Variants in WRAP73 observed in about 807,000 individuals in gnomAD.
WRAP73 encodes the protein WD repeat-containing protein WRAP73.
Under a neutral mutation model 59.6 loss-of-function variants are expected in WRAP73, and 55 were observed. The observed-to-expected ratio is 0.92, with a 90% CI of 0.74 to 1.15. The LOEUF is 1.15. Ranked by LOEUF, WRAP73 falls within the 50% of genes most tolerant of loss-of-function variation. WRAP73 has a pLI of 0.00. For synonymous variants in WRAP73, 265 were observed against 258.2 expected (o/e 1.03, Z -0.25); for missense variants, 592 against 608.1 (o/e 0.97, Z 0.28).
intron 8 of WRAP73, chr1:3,634,759 G>A: frequency 1.8e-6 from 1 of 549,214 alleles, no homozygotes; most frequent in Non-Finnish European, 3.3e-6. Context: ...GGACTGGGGT[G>A]GCAGCGGCAG....
At chr1:3,634,667 C>G in intron 8 of WRAP73, 1 of 349,686 alleles carries the variant, frequency 2.9e-6, no homozygotes, top group Admixed American at 4.1e-5. Context: ...ACAGCAGATG[C>G]CCAGTGTTTG....
chr1:3,635,451 GAGAT>G (rs1269249755), intron 6 of WRAP73, 157 bp from the exon 7 acceptor site: 20 of 964,916 alleles, frequency 2.1e-5, no homozygotes, highest in Non-Finnish European at 3.0e-5. Context: ...AGCTAGTACT[GAGAT>G]AGTCACGGAG....
intron 8 of WRAP73, 184 bp from the exon 9 acceptor site, chr1:3,633,687 A>G: frequency 1.8e-6 from 1 of 566,766 alleles, no homozygotes; most frequent in Non-Finnish European, 3.1e-6. Context: ...TCACCCAGCC[A>G]CCCTCTCTCG....
intron 2 of WRAP73, 154 bp downstream of exon 2, chr1:3,647,254 T>C (rs1018168682): frequency 1.1e-4 from 91 of 826,206 alleles, no homozygotes; most frequent in Non-Finnish European, 1.5e-4. Flanking sequence ...AGTTTAAATG[T>C]TCTTAAACTT....
At chr1:3,642,321 G>A (rs1644653931) in intron 3 of WRAP73, among the ~76,000 whole-genome samples, 1 of 152,242 alleles carries the variant, frequency 6.6e-6, no homozygotes, top group South Asian at 2.1e-4. Flanking sequence ...CCTCAATAAT[G>A]TAGACAGTGT....
chr1:3,636,148 C>A, intron 5 of WRAP73, 118 bp from the exon 6 acceptor site: 1 of 731,198 alleles, frequency 1.4e-6, no homozygotes, highest in Non-Finnish European at 2.3e-6. Flanking sequence ...TTGACAAAAT[C>A]TCAACAGCTC....
intron 6 of WRAP73, chr1:3,635,741 A>C: frequency 1.8e-6 from 1 of 558,048 alleles, no homozygotes; most frequent in Non-Finnish European, 3.2e-6. Flanking sequence ...GGATCACTTG[A>C]GTCCAGGAGG....
At chr1:3,649,344 C>A (rs1644718355) in intron 1 of WRAP73, among the ~76,000 whole-genome samples, 1 of 152,200 alleles carries the variant, frequency 6.6e-6, no homozygotes, top group East Asian at 1.9e-4. Context: ...ATTTATTCGG[C>A]ATGTGGTAGA....
rs764272020 is a variant in WRAP73 at position 3,646,712 on chromosome 1, C to A, written c.293G>T (p.Cys98Phe). Residue 98 changes from cysteine to phenylalanine, a missense_variant, in exon 3 of 12, where the codon TGC becomes TTC. Transcript: ENST00000270708. This position sits in a 1 kb window ranked among gnomAD's most constrained non-coding sequence, Gnocchi z 5.1. Reference protein sequence around the residue: ...DEGSAGLVASCWSPDGRHILN... With the variant: ...DEGSAGLVASFWSPDGRHILN... ...AATGTGGCGCCCGTCCGGGCTCCAG[C>A]ACGAGGCCACCAGCCCGGCTGAGCC... The A allele has an allele frequency of 1.9e-6, 3 of 1,608,684 alleles. No individual in the cohort carries two copies. The East Asian group carries it at 6.7e-5, about 36-fold the overall frequency.
At chr1:3,634,806 G>A (rs1006386593) in intron 8 of WRAP73, 191 bp downstream of exon 8, 2 of 703,558 alleles carry the variant, frequency 2.8e-6, no homozygotes, top group South Asian at 1.7e-5. Context: ...CAGACCCTTT[G>A]GGCAGCGTGG....
At chr1:3,631,703 C>T (rs1391196640) in intron 10 of WRAP73, 46 bp from the exon 11 acceptor site, 1 of 1,554,886 alleles carries the variant, frequency 6.4e-7, no homozygotes, top group Admixed American at 1.7e-5. Flanking sequence ...TGCCTGGCTC[C>T]TCTGTGTTGG....
Position 3,639,937 on chromosome 1 carries a change from T to C in WRAP73, c.340-1115A>G, listed in dbSNP as rs1644623134. Among the ~76,000 whole-genome samples the C allele has an allele frequency of 6.6e-6, 1 of 152,216 alleles. No individual in the cohort carries two copies. The highest frequency in any genetic ancestry group is 1.5e-5 in the Non-Finnish European group (1 of 68,030). ...GCCGCAGCGTGTGGGGCACAGCATG[T>C]CCACAGTGTCACTCCTGCAAACGCT... On this transcript the variant is annotated intron_variant, in intron 3 of 11. Coordinates refer to ENST00000270708, the MANE Select transcript of WRAP73 (RefSeq NM_017818.4). This position sits in a 1 kb window ranked among gnomAD's most constrained non-coding sequence, Gnocchi z 4.3.
chr1:3,631,489 A>G lies in WRAP73; in HGVS notation c.1217T>C (p.Met406Thr). The G allele has an allele frequency of 6.2e-7, 1 of 1,605,682 alleles. No homozygotes were observed. Among genetic ancestry groups the G allele is most frequent in the Non-Finnish European group, 8.5e-7 (1 of 1,176,406 alleles). Residue 406 changes from methionine to threonine, a missense_variant, in exon 11 of 12, where the codon ATG becomes ACG. By Grantham distance (81) the Met-to-Thr change is moderately conservative (BLOSUM62 -1). Coordinates refer to ENST00000270708, the MANE Select transcript of WRAP73 (RefSeq NM_017818.4). ...ACCTTCCCCAGGCACCTGCACCGAC[A>G]TGCAGCCCGCTGGGGACCACAGGTA... Reference protein sequence around the residue: ...RLYLWSPAGCMSVQVPGEGDF... With the variant: ...RLYLWSPAGCTSVQVPGEGDF...
At chr1:3,631,359 C>T (rs752200207) in intron 11 of WRAP73, 107 bp downstream of exon 11, 1 of 1,436,580 alleles carries the variant, frequency 7.0e-7, no homozygotes, top group Non-Finnish European at 9.4e-7. Context: ...GGCAGTTTCC[C>T]TGGAGTGCTG....
intron 4 of WRAP73, among the ~76,000 whole-genome samples, chr1:3,637,783 G>A (rs1211756569): frequency 1.3e-5 from 2 of 152,206 alleles, no homozygotes; most frequent in African/African-American, 4.8e-5. Flanking sequence ...GCACTGAGCT[G>A]TGATCGTGTC....
intron 11 of WRAP73, 149 bp downstream of exon 11, chr1:3,631,317 G>T: frequency 1.5e-6 from 2 of 1,303,106 alleles, no homozygotes; most frequent in Non-Finnish European, 2.1e-6. Context: ...TCCCCTGTGT[G>T]TCCGTCTTGA....
chr1:3,646,416 T>C lies in WRAP73; in HGVS notation c.339+250A>G, dbSNP rs960576186. Among the ~76,000 whole-genome samples the C allele has an allele frequency of 6.6e-6, 1 of 152,260 alleles. No homozygotes were observed. Among genetic ancestry groups the C allele is most frequent in the African/African-American group, 2.4e-5 (1 of 41,470 alleles). On this transcript the variant is annotated intron_variant, in intron 3 of 11. Transcript: ENST00000270708. The surrounding 1 kb of genome is among the most constrained non-coding windows in gnomAD (Gnocchi z 5.1). ...ATATTGTTATCCTTGTTCTATACTA[T>C]GATTGTTGCTAATCTCTTACTGTAT...
chr1:3,635,486 A>G (rs1003091208), intron 6 of WRAP73, 192 bp from the exon 7 acceptor site: 1 of 740,660 alleles, frequency 1.4e-6, no homozygotes, highest in Non-Finnish European at 2.1e-6. Flanking sequence ...AGCATGAGGA[A>G]AAAGGGGAAA....
Position 3,644,684 on chromosome 1 carries a change from C to T in WRAP73, c.339+1982G>A, listed in dbSNP as rs141439910. On this transcript the variant is annotated intron_variant, in intron 3 of 11. Transcript: ENST00000270708. ...AGGCCACCAGCAAAGTGGTCATGAC[C>T]TTAGTCTTAGGTTGAACAATGTCAT... 1.0e-3 allele frequency among the ~76,000 whole-genome samples: 152 copies of T among 152,304 alleles called. 1 individual carries two copies. The highest frequency in any genetic ancestry group is 6.8e-3 in the Middle Eastern group (2 of 294).
Sources: allele counts gnomAD v4.1 joint callset (sites outside exome capture counted in the v4.1 genomes callset), GRCh38; gene constraint gnomAD v4.1.1; non-coding constraint Gnocchi (gnomAD v3.1); transcripts MANE v1.5; gene names NCBI Gene and HGNC (gene_info 2026-07-23, HGNC 2026-07-21).